SLC38A4: variants seen among roughly 807,000 people sequenced by gnomAD.
SLC38A4 encodes solute carrier family 38 member 4.
In SLC38A4, 20 loss-of-function variants were observed where a neutral mutation model predicts 63.1. The ratio of observed to expected loss-of-function variants is 0.32; its 90% CI spans 0.22 to 0.46. SLC38A4 has a LOEUF of 0.46. SLC38A4 is among the 20% of genes least tolerant of loss of function. The probability of loss-of-function intolerance (pLI) is 1.00; values close to 1 mark genes in which losing one functional copy is unlikely to be tolerated. For synonymous variants in SLC38A4, 230 were observed against 225.5 expected, an observed-to-expected ratio of 1.02 and a Z score of -0.18; for missense variants, 526 against 663.6, an observed-to-expected ratio of 0.79 and a Z score of 2.28.
At chr12:46,789,143 G>A (rs1467818421) in intron 3 of SLC38A4, among the ~76,000 whole-genome samples, 1 of 151,666 alleles carries the variant, frequency 6.6e-6, no homozygotes, top group Non-Finnish European at 1.5e-5. Context: ...TACCCAGGGG[G>A]AGACCCCATT....
intron 5 of SLC38A4, 83 bp downstream of exon 5, chr12:46,787,833 A>G: frequency 1.0e-6 from 1 of 990,998 alleles, no homozygotes; most frequent in Non-Finnish European, 1.5e-6. Flanking sequence ...GTTCACAAAG[A>G]TCAAACTTGA....
At chr12:46,828,253 G>A (rs1939685945), upstream of SLC38A4, among the ~76,000 whole-genome samples, 1 of 152,040 alleles carries the variant, frequency 6.6e-6, no homozygotes, top group South Asian at 2.1e-4. Context: ...CCTTTCCTAA[G>A]CCAGGTTCTC....
intron 1 of SLC38A4, among the ~76,000 whole-genome samples, chr12:46,811,209 C>T (rs1208467424): frequency 6.6e-6 from 1 of 151,984 alleles, no homozygotes; most frequent in Non-Finnish European, 1.5e-5. Context: ...CCCAATCTCT[C>T]CTCTCAAGAC....
chr12:46,807,037 A>G (rs1475506153), intron 1 of SLC38A4, among the ~76,000 whole-genome samples: 1 of 152,056 alleles, frequency 6.6e-6, no homozygotes, highest in East Asian at 1.9e-4. Context: ...TTTTGCAACG[A>G]CAGTGGGAGA....
intron 1 of SLC38A4, among the ~76,000 whole-genome samples, chr12:46,825,609 AG>A (rs1250721237): frequency 6.6e-6 from 1 of 152,210 alleles, no homozygotes; most frequent in African/African-American, 2.4e-5. Flanking sequence ...CTTTAACAAT[AG>A]AGGTCAGTTT....
chr12:46,789,894 T>A (rs919680148), intron 3 of SLC38A4, among the ~76,000 whole-genome samples: 2 of 152,040 alleles, frequency 1.3e-5, no homozygotes, highest in Non-Finnish European at 2.9e-5. Context: ...CTGGCCAACA[T>A]GGTGAAACTT....
At chr12:46,822,060 C>T (rs1295222068) in intron 1 of SLC38A4, among the ~76,000 whole-genome samples, 1 of 151,976 alleles carries the variant, frequency 6.6e-6, no homozygotes, top group African/African-American at 2.4e-5. Flanking sequence ...TTACTAGATT[C>T]AAGAGTTTAT....
Position 46,825,313 on chromosome 12 carries a change from T to TTATATATATATATATATATATATATA in SLC38A4, c.-305+589_-305+590insTATATATATATATATATATATATATA, listed in dbSNP as rs34878223. ...TTATAATTACTTTAATATACAAAGT[T>TTATATATATATATATATATATATATA]TATATATATATATATATTCCTTACA... On this transcript the variant is annotated intron_variant, in intron 1 of 16. Coordinates refer to ENST00000266579, the MANE Select transcript of SLC38A4 (RefSeq NM_018018.5). Among the ~76,000 whole-genome samples the TTATATATATATATATATATATATATA allele has an allele frequency of 2.8e-3, 400 of 140,362 alleles. 4 individuals are homozygous for TTATATATATATATATATATATATATA. Among genetic ancestry groups the TTATATATATATATATATATATATATA allele is most frequent in the African/African-American group, 8.0e-3 (309 of 38,424 alleles). The allele number at this position is 140,362 out of a possible 152,430, so 92.1% of individuals were successfully genotyped here. A position where few individuals can be genotyped will look rare whatever the true frequency, so the allele number is the denominator to read the frequency against.
In SLC38A4 at chr12:46,766,311, G is replaced by A; in HGVS notation, c.*390C>T. The A allele has an allele frequency of 2.2e-6, 1 of 445,960 alleles. No homozygotes were observed. Among genetic ancestry groups the A allele is most frequent in the South Asian group, 1.6e-5 (1 of 63,370 alleles). 27.6% of individuals were successfully genotyped at this position (445,960 alleles called of 1,614,324 possible). A position where few individuals can be genotyped will look rare whatever the true frequency, so the allele number is the denominator to read the frequency against. On this transcript the variant is annotated 3_prime_UTR_variant, in exon 17 of 17. Transcript: ENST00000266579. ...TGCCACCAGGGCATTTTTGTTTGAT[G>A]TTCTGAGAATGCAAATGTTTGGTAC...
At position 46,781,498 on chromosome 12, in the gene SLC38A4, A is replaced by G. The variant is rs968994512; in HGVS notation, c.494-1468T>C. Among the ~76,000 whole-genome samples, 57 of 152,068 alleles carry G rather than the reference A, an allele frequency of 3.7e-4. 1 individual carries two copies. Among genetic ancestry groups the G allele is most frequent in the African/African-American group, 1.4e-3 (57 of 41,432 alleles). ...GTTTGGTCTTCAAAAATTCAGAATG[A>G]TCCAGACATTAATCTGTTAATGTGA... is the stretch of plus-strand genomic sequence containing the variant. On this transcript the variant is annotated intron_variant, in intron 7 of 16. Coordinates refer to ENST00000266579, the MANE Select transcript of SLC38A4 (RefSeq NM_018018.5).
chr12:46,792,932 T>C (rs1331335760), intron 3 of SLC38A4, 21 bp downstream of exon 3: 2 of 1,544,424 alleles, frequency 1.3e-6, no homozygotes, highest in Admixed American at 1.7e-5. Flanking sequence ...CCATGGAACA[T>C]AGTAATTTTT....
rs531625052 is a variant in SLC38A4 at position 46,800,240 on chromosome 12, C to A, written c.-113+3363G>T. 5.3e-5 allele frequency among the ~76,000 whole-genome samples: 8 copies of A among 152,178 alleles called. No individual in the cohort carries two copies. The South Asian group carries it at 1.7e-3, about 32-fold the overall frequency. On this transcript the variant is annotated intron_variant, in intron 2 of 16. Coordinates refer to ENST00000266579, the MANE Select transcript of SLC38A4 (RefSeq NM_018018.5). ...CTTTCAACATTTATTTAAAATTCAT[C>A]CACTTCTATCTCCATGACCACTATG...
intron 16 of SLC38A4, among the ~76,000 whole-genome samples, chr12:46,767,434 A>C (rs1429306550): frequency 6.6e-6 from 1 of 152,080 alleles, no homozygotes; most frequent in Non-Finnish European, 1.5e-5. Flanking sequence ...CTAGGAGATA[A>C]TTGTACTCAT....
At chr12:46,816,501 A>C (rs865975097) in intron 1 of SLC38A4, among the ~76,000 whole-genome samples, 1 of 151,976 alleles carries the variant, frequency 6.6e-6, no homozygotes. Flanking sequence ...AAAACATTCT[A>C]TACCTATTTC....
chr12:46,790,069 ACTCTGT>A (rs1434228505), intron 3 of SLC38A4, among the ~76,000 whole-genome samples: 1 of 147,384 alleles, frequency 6.8e-6, no homozygotes, highest in African/African-American at 2.7e-5. Context: ...CAAGAGTGAA[ACTCTGT>A]CTGTCTCAAT....
In SLC38A4 at chr12:46,779,640, G is replaced by C; in HGVS notation, c.688C>G (p.Leu230Val). The change falls in exon 10 of 17, where the codon CTT becomes GTT. Residue 230 changes from leucine to valine, a missense_variant. Coordinates refer to ENST00000266579, the MANE Select transcript of SLC38A4 (RefSeq NM_018018.5). Reference sequence around the variant, plus strand: ...CTAACAAAAAACACCATGCAGGTAAGAGAAAATCCACTGGTATAGCCAAGA... The same window carrying C: ...CTAACAAAAAACACCATGCAGGTAACAGAAAATCCACTGGTATAGCCAAGA... ...GYLGYTSGFS[L>V]TCMVFFVSVV... is the part of the protein sequence containing the mutation. The C allele has an allele frequency of 6.2e-7, 1 of 1,607,344 alleles. No individual in the cohort carries two copies.
At chr12:46,795,916 G>A (rs557727353) in intron 2 of SLC38A4, among the ~76,000 whole-genome samples, 145 of 135,680 alleles carry the variant, frequency 1.1e-3, no homozygotes, top group African/African-American at 4.0e-3. Context: ...GCATGCAGAC[G>A]GCCCAATCAA....
chr12:46,778,407 A>G, intron 11 of SLC38A4, 39 bp from the exon 12 acceptor site: 3 of 1,611,892 alleles, frequency 1.9e-6, no homozygotes, highest in Middle Eastern at 3.3e-4. Context: ...TAGCATTCCA[A>G]CATAGATGGT....
At chr12:46,806,975 C>T (rs1444316164) in intron 1 of SLC38A4, among the ~76,000 whole-genome samples, 1 of 151,588 alleles carries the variant, frequency 6.6e-6, no homozygotes, top group Non-Finnish European at 1.5e-5. Flanking sequence ...CCAGCGGGAT[C>T]AAGTTAAAAT....
Sources: allele counts gnomAD v4.1 joint callset (sites outside exome capture counted in the v4.1 genomes callset), GRCh38; gene constraint gnomAD v4.1.1; transcripts MANE v1.5; gene names NCBI Gene and HGNC (gene_info 2026-07-23, HGNC 2026-07-21).